Variants in FLCN observed in about 807,000 individuals in gnomAD.
FLCN encodes folliculin.
FLCN carries 22 observed loss-of-function variants against 62.5 expected under a neutral mutation model. The observed-to-expected ratio is 0.35, with a 90% CI of 0.25 to 0.50. FLCN has a LOEUF of 0.50. Among genes scored for constraint, FLCN ranks in the 20% least tolerant of loss-of-function variants. The pLI, the probability that FLCN is intolerant of heterozygous loss-of-function variation, is 0.97. For synonymous variants in FLCN, 319 were observed against 310.0 expected, an observed-to-expected ratio of 1.03 and a Z score of -0.30; for missense variants, 657 against 778.0, an observed-to-expected ratio of 0.84 and a Z score of 1.85.
chr17:17,225,938 G>A (rs897635862), intron 5 of FLCN: 9 of 650,268 alleles, frequency 1.4e-5, no homozygotes, highest in African/African-American at 3.7e-5. Context: ...TAAAAGTTCG[G>A]TGCTTAAAGT....
chr17:17,222,875 C>T (rs1472989326), intron 6 of FLCN: 12 of 623,258 alleles, frequency 1.9e-5, no homozygotes, highest in Non-Finnish European at 3.5e-5. Flanking sequence ...GAACAGAAAT[C>T]GGTTGAGCTT....
intron 7 of FLCN, 90 bp from the exon 8 acceptor site, chr17:17,221,718 G>A: frequency 1.3e-5 from 18 of 1,374,166 alleles, no homozygotes; most frequent in Middle Eastern, 2.2e-4. Flanking sequence ...CCAGTTTAAA[G>A]AAAAAATGGG....
At chr17:17,218,743 TGCCTTTAGGA>T (rs1243708430) in intron 9 of FLCN, among the ~76,000 whole-genome samples, 6 of 152,182 alleles carry the variant, frequency 3.9e-5, no homozygotes, top group Admixed American at 6.5e-5. Flanking sequence ...TGCTGTTCAA[TGCCTTTAGGA>T]GCTTCTTAGA....
chr17:17,221,431 A>G (rs1450070740), intron 8 of FLCN, 106 bp downstream of exon 8: 2 of 1,613,984 alleles, frequency 1.2e-6, no homozygotes, highest in East Asian at 2.2e-5. Flanking sequence ...GGGCTGATTC[A>G]GAGCCGCGTT....
intron 11 of FLCN, among the ~76,000 whole-genome samples, chr17:17,215,779 G>A (rs1450926084): frequency 6.6e-6 from 1 of 152,154 alleles, no homozygotes; most frequent in Non-Finnish European, 1.5e-5. Context: ...TGCTGATTGG[G>A]GGCTCAGGGT....
chr17:17,225,748 G>A, intron 5 of FLCN: 1 of 306,058 alleles, frequency 3.3e-6, no homozygotes, highest in South Asian at 2.9e-5. Flanking sequence ...GAGCATGGTG[G>A]CACACACCAG....
intron 5 of FLCN, chr17:17,225,075 C>T (rs557960761): frequency 3.3e-5 from 5 of 152,296 alleles, no homozygotes; most frequent in South Asian, 2.1e-4. Flanking sequence ...AACTGAACGA[C>T]GAATTCTTTG....
Position 17,212,930 on chromosome 17 carries a change from C to G in FLCN, c.*725G>C, listed in dbSNP as rs1422189820. 4.3e-6 allele frequency: 1 copy of G among 235,048 alleles called. No homozygotes were observed. Among genetic ancestry groups the G allele is most frequent in the Non-Finnish European group, 8.4e-6 (1 of 119,186 alleles). The allele number at this position is 235,048 out of a possible 1,614,324, so 14.6% of individuals were successfully genotyped here. A position where few individuals can be genotyped will look rare whatever the true frequency, so the allele number is the denominator to read the frequency against. ...AAAAGCATGGCGGGGCTCACCATAT[C>G]CAGGGGATTGGGCAAGTCAGATGCT... On this transcript the variant is annotated 3_prime_UTR_variant, in exon 14 of 14. Transcript: ENST00000285071.
intron 7 of FLCN, among the ~76,000 whole-genome samples, chr17:17,221,873 A>G (rs1318150058): frequency 6.6e-6 from 1 of 152,036 alleles, no homozygotes; most frequent in Non-Finnish European, 1.5e-5. Context: ...AACCAGAGAG[A>G]CTTGGGGCGC....
In FLCN at chr17:17,213,316, G is replaced by A. The variant is rs1312482683; in HGVS notation, c.*339C>T. On this transcript the variant is annotated 3_prime_UTR_variant, in exon 14 of 14. Coordinates refer to ENST00000285071, the MANE Select transcript of FLCN (RefSeq NM_144997.7). The stretch of plus-strand genomic sequence containing the variant: ...TGTTATTGCGACTGCATACTGAGTC[G>A]GACCTGTTTCTCCTGCGGGTTTTGA... The A allele has an allele frequency of 8.2e-6, 4 of 486,816 alleles. No individual in the cohort carries two copies. Among genetic ancestry groups the A allele is most frequent in the South Asian group, 4.4e-5 (2 of 45,672 alleles). 30.2% of individuals were successfully genotyped at this position (486,816 alleles called of 1,614,324 possible).
At chr17:17,225,981 G>C (rs753311409) in intron 5 of FLCN, 195 bp downstream of exon 5, 7 of 750,134 alleles carry the variant, frequency 9.3e-6, no homozygotes, top group African/African-American at 1.7e-5. Flanking sequence ...AAAATGCTCA[G>C]CAAGTCCAAC....
intron 9 of FLCN, among the ~76,000 whole-genome samples, 170 bp downstream of exon 9, chr17:17,218,849 T>C (rs948359274): frequency 6.6e-6 from 1 of 152,202 alleles, no homozygotes; most frequent in African/African-American, 2.4e-5. Flanking sequence ...ACTGATCCTA[T>C]GGCTAATACC....
intron 5 of FLCN, chr17:17,225,242 G>C (rs1343031425): frequency 1.3e-5 from 2 of 152,306 alleles, no homozygotes; most frequent in African/African-American, 2.4e-5. Context: ...TTGATGCAAT[G>C]AACCACCTAA....
In FLCN at chr17:17,226,207, C is replaced by G. The variant is rs748979393; in HGVS notation, c.365G>C (p.Arg122Pro). The change falls in exon 5 of 14, where the codon CGC becomes CCC. Residue 122 changes from arginine to proline, a missense_variant. Physicochemically the swap from Arg to Pro is moderately radical, Grantham distance 103 (BLOSUM62 -2). Coordinates refer to ENST00000285071, the MANE Select transcript of FLCN (RefSeq NM_144997.7). ...GCTCAGGCTCCGGACACAGGCCTGGCGGACAATGCTGAAGAGCTGGGGGTG... is the reference window on the plus strand; with the variant it reads ...GCTCAGGCTCCGGACACAGGCCTGGGGGACAATGCTGAAGAGCTGGGGGTG... ...PSHPQLFSIV[R>P]QACVRSLSCE... 1 of 1,614,024 alleles carries G rather than the reference C, an allele frequency of 6.2e-7. No individual in the cohort carries two copies. The highest frequency in any genetic ancestry group is 8.5e-7 in the Non-Finnish European group (1 of 1,180,000).
chr17:17,229,556 G>A (rs1233581266), intron 3 of FLCN: 1 of 152,374 alleles, frequency 6.6e-6, no homozygotes, highest in African/African-American at 2.4e-5. Context: ...GGGAAGAGCG[G>A]GGCTCAGTTC....
intron 13 of FLCN, among the ~76,000 whole-genome samples, chr17:17,214,412 G>A (rs553250335): frequency 6.6e-6 from 1 of 151,984 alleles, no homozygotes; most frequent in East Asian, 2.0e-4. Context: ...TGGCCAACAT[G>A]CTAAAACCCT....
Position 17,215,241 on chromosome 17 carries a change from G to A in FLCN, c.1376C>T (p.Ser459Phe), listed in dbSNP as rs377468280. ...CACCACAAACTCGTACTTGCTGAGA[G>A]ACTGGTCATCCTCACACCCCACAGG... ...LHPVGCEDDQ[S>F]LSKYEFVVTS... is the part of the protein sequence containing the mutation. Residue 459 changes from serine to phenylalanine, a missense_variant, in exon 12 of 14, where the codon TCT becomes TTT. Transcript: ENST00000285071. The A allele has an allele frequency of 2.9e-5, 47 of 1,614,100 alleles. No individual in the cohort carries two copies. Among genetic ancestry groups the A allele is most frequent in the Non-Finnish European group, 3.5e-5 (41 of 1,180,050 alleles).
rs114874388 is a variant in FLCN, at chr17:17,216,589, G to A, written c.1177-86C>T. 2.9e-3 allele frequency: 4,603 copies of A among 1,578,186 alleles called. 95 individuals carry two copies. The African/African-American group carries it at 0.052, about 18-fold the overall frequency. ...ATGCTCTACTACCCAAACCCCACACGCCTCCTGCAGCCCGGTCCAAGCCCT... is the reference window on the plus strand; with the variant it reads ...ATGCTCTACTACCCAAACCCCACACACCTCCTGCAGCCCGGTCCAAGCCCT... On this transcript the variant is annotated intron_variant, in intron 10 of 13. Transcript: ENST00000285071. This position sits in a 1 kb window ranked among gnomAD's most constrained non-coding sequence, Gnocchi z 4.0.
intron 3 of FLCN, among the ~76,000 whole-genome samples, chr17:17,229,890 C>T (rs188788929): frequency 3.1e-4 from 47 of 152,204 alleles, no homozygotes; most frequent in Admixed American, 9.2e-4. Context: ...GCTGCGATGC[C>T]GGCGGAACCA....
Sources: allele counts gnomAD v4.1 joint callset (sites outside exome capture counted in the v4.1 genomes callset), GRCh38; gene constraint gnomAD v4.1.1; non-coding constraint Gnocchi (gnomAD v3.1); transcripts MANE v1.5; gene names NCBI Gene and HGNC (gene_info 2026-07-23, HGNC 2026-07-21).